ANKRD30B: variants seen among roughly 807,000 people sequenced by gnomAD.
ANKRD30B encodes the protein ankyrin repeat domain-containing protein 30B.
ANKRD30B carries 144 observed loss-of-function variants against 202.2 expected under a neutral mutation model. The ratio of observed to expected loss-of-function variants is 0.71; its 90% confidence interval spans 0.62 to 0.82. The LOEUF (loss-of-function observed/expected upper bound fraction) is 0.82, where lower values mean the gene tolerates loss of function less well. ANKRD30B is among the 40% of genes least tolerant of loss of function. The pLI, the probability that ANKRD30B is intolerant of heterozygous loss-of-function variation, is 0.00. For synonymous variants in ANKRD30B, 508 were observed against 561.3 expected (o/e 0.91, Z 1.34); for missense variants, 1,487 against 1,669.1 (o/e 0.89, Z 1.90).
In ANKRD30B at chr18:14,781,009, C is replaced by T. The variant is rs533158433; in HGVS notation, c.1482+988C>T. Among the ~76,000 whole-genome samples the T allele has an allele frequency of 1.4e-4, 22 of 152,386 alleles. No individual in the cohort carries two copies. The East Asian group carries it at 3.7e-3, about 25-fold the overall frequency. On this transcript the variant is annotated intron_variant, in intron 11 of 43. Transcript: ENST00000690538. ...AACTGTGGAAAGACACAGGAAGTGTCTGACCTCTTACATCCAAGCCCCTGC... is the reference window on the plus strand; with the variant it reads ...AACTGTGGAAAGACACAGGAAGTGTTTGACCTCTTACATCCAAGCCCCTGC...
intron 11 of ANKRD30B, among the ~76,000 whole-genome samples, chr18:14,781,574 C>T (rs575156857): frequency 6.6e-6 from 1 of 152,398 alleles, no homozygotes; most frequent in East Asian, 1.9e-4. Context: ...ATTCTATAAT[C>T]ATGAATATTT....
chr18:14,807,968 T>A (rs1969626119), intron 24 of ANKRD30B, among the ~76,000 whole-genome samples: 1 of 151,064 alleles, frequency 6.6e-6, no homozygotes. Context: ...AATATATTCA[T>A]AACTTTTATT....
rs1167469089 is a variant in ANKRD30B at position 14,748,403 on chromosome 18, A to T, written c.-17A>T. 1 of 1,462,674 alleles carries T rather than the reference A, an allele frequency of 6.8e-7. No individual in the cohort carries two copies. Among genetic ancestry groups the T allele is most frequent in the Non-Finnish European group, 9.1e-7 (1 of 1,103,994 alleles). The allele number at this position is 1,462,674 out of a possible 1,614,324, so 90.6% of individuals were successfully genotyped here. A position where few individuals can be genotyped will look rare whatever the true frequency, so the allele number is the denominator to read the frequency against. ...CGAGCGGGAGGCGCGGGCTCTCTCT[A>T]GCAGGGGGCTGCAGCCATGAAGAGG... On this transcript the variant is annotated 5_prime_UTR_variant, in exon 1 of 44. Coordinates refer to ENST00000690538, the MANE Select transcript of ANKRD30B (RefSeq NM_001367607.2).
At chr18:14,920,582 A>G in the ANKRD30B span, among the ~76,000 whole-genome samples, 2 of 152,202 alleles carry the variant, frequency 1.3e-5, no homozygotes, top group Admixed American at 6.5e-5. Context: ...GACAGCAGCC[A>G]AAGTCTGGGT....
the ANKRD30B span, among the ~76,000 whole-genome samples, chr18:14,878,835 A>G: frequency 6.6e-6 from 1 of 152,210 alleles, no homozygotes; most frequent in African/African-American, 2.4e-5. Flanking sequence ...GTAAGTATTA[A>G]GGCCAGGAAA....
chr18:14,883,698 C>T, the ANKRD30B span: 1 of 151,066 alleles, frequency 6.6e-6, no homozygotes, highest in Admixed American at 6.6e-5. Flanking sequence ...AGTCTGATGG[C>T]AGGGTAATTT....
intron 15 of ANKRD30B, among the ~76,000 whole-genome samples, chr18:14,789,489 G>A (rs1169429408): frequency 6.6e-6 from 1 of 152,108 alleles, no homozygotes; most frequent in Non-Finnish European, 1.5e-5. Flanking sequence ...GAATGGTAAT[G>A]CCTAGGTTTT....
At chr18:14,847,654 T>C (rs1971707711) in intron 39 of ANKRD30B, among the ~76,000 whole-genome samples, 1 of 151,152 alleles carries the variant, frequency 6.6e-6, no homozygotes, top group Non-Finnish European at 1.5e-5. Context: ...ATTTTTATTG[T>C]AGAATAGAGT....
intron 36 of ANKRD30B, among the ~76,000 whole-genome samples, chr18:14,838,590 T>G (rs561291122): frequency 1.1e-4 from 16 of 152,200 alleles, no homozygotes; most frequent in Non-Finnish European, 2.4e-4. Context: ...TATCAAATAA[T>G]AATGATGTAT....
intron 20 of ANKRD30B, 118 bp downstream of exon 20, chr18:14,797,972 A>T: frequency 1.0e-6 from 1 of 987,486 alleles, no homozygotes; most frequent in South Asian, 1.7e-5. Context: ...AAAATTTGAT[A>T]CAAATAATGC....
chr18:14,939,399 C>T, the ANKRD30B span, among the ~76,000 whole-genome samples: 3 of 152,188 alleles, frequency 2.0e-5, no homozygotes, highest in Non-Finnish European at 4.4e-5. Flanking sequence ...CACCCAAGGT[C>T]CCTGTCCCCA....
chr18:14,754,519 G>A (rs542763036), intron 3 of ANKRD30B, among the ~76,000 whole-genome samples: 5 of 152,218 alleles, frequency 3.3e-5, no homozygotes, highest in South Asian at 2.1e-4. Context: ...CACTGCTCTA[G>A]AGGTAATATT....
At chr18:14,860,544 G>T in the ANKRD30B span, among the ~76,000 whole-genome samples, 1 of 148,736 alleles carries the variant, frequency 6.7e-6, no homozygotes, top group African/African-American at 2.5e-5. Context: ...AAGGTGGCCG[G>T]GCAGAGGCGT....
chr18:14,786,397 T>C (rs1284226076), intron 14 of ANKRD30B, among the ~76,000 whole-genome samples: 1 of 152,188 alleles, frequency 6.6e-6, no homozygotes, highest in Non-Finnish European at 1.5e-5. Flanking sequence ...TCTGAAGATA[T>C]TGTTGCATTA....
chr18:14,844,636 C>G (rs1165471811), intron 39 of ANKRD30B, among the ~76,000 whole-genome samples: 1 of 152,180 alleles, frequency 6.6e-6, no homozygotes, highest in Non-Finnish European at 1.5e-5. Flanking sequence ...ATTTCTAGTT[C>G]CAGATCCTTG....
Position 14,748,219 on chromosome 18 carries a change from C to G in ANKRD30B, c.-201C>G. ...GCTAACGGCTCTGCTCAGAATTTCT[C>G]CCGACAGAGGCCGGAGTGTTCAAGA... On this transcript the variant is annotated 5_prime_UTR_variant, in exon 1 of 44. Coordinates refer to ENST00000690538, the MANE Select transcript of ANKRD30B (RefSeq NM_001367607.2). The G allele has an allele frequency of 2.1e-6, 1 of 476,148 alleles. No homozygotes were observed. The highest frequency in any genetic ancestry group is 3.7e-6 in the Non-Finnish European group (1 of 270,754). The allele number at this position is 476,148 out of a possible 1,614,324, so 29.5% of individuals were successfully genotyped here.
intron 22 of ANKRD30B, among the ~76,000 whole-genome samples, chr18:14,800,481 C>T (rs549145369): frequency 2.0e-5 from 3 of 150,856 alleles, no homozygotes; most frequent in East Asian, 3.9e-4. Context: ...CCTACCACAA[C>T]GCCTGGCTCA....
chr18:14,919,884 G>A, the ANKRD30B span, among the ~76,000 whole-genome samples: 1 of 152,208 alleles, frequency 6.6e-6, no homozygotes, highest in African/African-American at 2.4e-5. Flanking sequence ...GGGCAGAAGT[G>A]GGGGCTAGAA....
intron 22 of ANKRD30B, among the ~76,000 whole-genome samples, chr18:14,800,030 A>C (rs983755389): frequency 1.3e-5 from 2 of 151,868 alleles, no homozygotes; most frequent in Non-Finnish European, 2.9e-5. Flanking sequence ...CAGGAGTCGC[A>C]GACGAGCCTG....
Sources: allele counts gnomAD v4.1 joint callset (sites outside exome capture counted in the v4.1 genomes callset), GRCh38; gene constraint gnomAD v4.1.1; transcripts MANE v1.5; gene names NCBI Gene and HGNC (gene_info 2026-07-23, HGNC 2026-07-21).